The following NR3C2 variants were observed in gnomAD, a reference collection of about 807,000 sequenced individuals.
NR3C2 encodes the protein mineralocorticoid receptor.
NR3C2 carries 15 observed loss-of-function variants against 86.4 expected under a neutral mutation model. That is an observed-to-expected ratio of 0.17 (90% CI 0.12 to 0.27). NR3C2 has a LOEUF of 0.27. NR3C2 is among the 10% of genes least tolerant of loss of function. NR3C2 has a pLI of 1.00. For missense variants in NR3C2, 960 were observed against 1,195.6 expected (o/e 0.80, Z 2.91); for synonymous variants, 458 against 450.5 (o/e 1.02, Z -0.21).
intron 2 of NR3C2, among the ~76,000 whole-genome samples, chr4:148,381,594 G>T (rs572745547): frequency 6.6e-6 from 1 of 152,198 alleles, no homozygotes; most frequent in Admixed American, 6.5e-5. Flanking sequence ...TGCAATAAAA[G>T]TTCATGTGTA....
At chr4:148,255,078 C>A (rs1579071712) in intron 3 of NR3C2, among the ~76,000 whole-genome samples, 1 of 152,034 alleles carries the variant, frequency 6.6e-6, no homozygotes, top group Non-Finnish European at 1.5e-5. Flanking sequence ...CACTGCCCCC[C>A]CCCAACACAC....
At chr4:148,192,757 T>TG (rs1261842616) in intron 4 of NR3C2, among the ~76,000 whole-genome samples, 3 of 151,434 alleles carry the variant, frequency 2.0e-5, no homozygotes, top group Non-Finnish European at 4.4e-5. Flanking sequence ...TTCAAGGAAG[T>TG]GGGGGAAAGC....
At position 148,085,149 on chromosome 4, in the gene NR3C2, C is replaced by T. The variant is rs576043139; in HGVS notation, c.2800-3650G>A. 2.6e-4 allele frequency among the ~76,000 whole-genome samples: 39 copies of T among 152,268 alleles called. 1 individual carries two copies. The South Asian group carries it at 7.7e-3, about 30-fold the overall frequency. ...TGAACTCAGCTCTGGACCAAGCAGA[C>T]CTAATAGACATCTACAGAACTCTCC... is the stretch of plus-strand genomic sequence containing the variant. On this transcript the variant is annotated intron_variant, in intron 8 of 8. Coordinates refer to ENST00000358102, the MANE Select transcript of NR3C2 (RefSeq NM_000901.5).
chr4:148,135,445 C>A (rs1044701293), intron 6 of NR3C2, among the ~76,000 whole-genome samples: 1 of 152,170 alleles, frequency 6.6e-6, no homozygotes, highest in Non-Finnish European at 1.5e-5. Context: ...AAGGAGATGG[C>A]AGCCCTTACC....
At chr4:148,103,908 G>C (rs181978658) in intron 8 of NR3C2, among the ~76,000 whole-genome samples, 2 of 152,298 alleles carry the variant, frequency 1.3e-5, no homozygotes, top group Non-Finnish European at 2.9e-5. Flanking sequence ...TCTAGGCCAT[G>C]CTTTTCCTTC....
chr4:148,421,409 G>A (rs1411839964), intron 2 of NR3C2, among the ~76,000 whole-genome samples: 2 of 152,202 alleles, frequency 1.3e-5, no homozygotes, highest in African/African-American at 2.4e-5. Flanking sequence ...CATGTTTTCT[G>A]TCTTAATATA....
chr4:148,332,884 A>C (rs904232270), intron 2 of NR3C2, among the ~76,000 whole-genome samples: 1 of 152,184 alleles, frequency 6.6e-6, no homozygotes, highest in Non-Finnish European at 1.5e-5. Context: ...TTTCGACATA[A>C]GGCTATACAT....
intron 6 of NR3C2, among the ~76,000 whole-genome samples, chr4:148,134,494 C>T (rs1733183869): frequency 6.6e-6 from 1 of 152,064 alleles, no homozygotes; most frequent in Non-Finnish European, 1.5e-5. Flanking sequence ...ATTCTGTGAA[C>T]TTCCTCTAAT....
intron 4 of NR3C2, among the ~76,000 whole-genome samples, chr4:148,172,655 ATGTT>A (rs368617507): frequency 8.0e-4 from 122 of 152,318 alleles, no homozygotes; most frequent in African/African-American, 1.9e-3. Context: ...GTTTAATGGC[ATGTT>A]TGTTTATTCA....
intron 8 of NR3C2, 87 bp from the exon 9 acceptor site, chr4:148,081,586 A>ATGAC: frequency 6.3e-7 from 1 of 1,583,936 alleles, no homozygotes; most frequent in South Asian, 1.1e-5. Flanking sequence ...GGGAACTCAA[A>ATGAC]TGACAACATT....
chr4:148,155,303 G>C (rs559978037), intron 4 of NR3C2, among the ~76,000 whole-genome samples: 4 of 152,266 alleles, frequency 2.6e-5, no homozygotes, highest in African/African-American at 9.6e-5. Context: ...TATTCAATTA[G>C]GAAAAGACGA....
chr4:148,261,649 G>T (rs1457938791), intron 2 of NR3C2, among the ~76,000 whole-genome samples: 1 of 152,190 alleles, frequency 6.6e-6, no homozygotes, highest in Non-Finnish European at 1.5e-5. Flanking sequence ...AGCTGGATGG[G>T]CTCAGAAAAC....
intron 2 of NR3C2, among the ~76,000 whole-genome samples, chr4:148,276,368 C>A (rs1463438673): frequency 1.3e-5 from 2 of 152,110 alleles, no homozygotes; most frequent in Admixed American, 1.3e-4. Flanking sequence ...TGATGTGCAT[C>A]TTATCATTTG....
At chr4:148,095,713 G>A (rs1731247299) in intron 8 of NR3C2, among the ~76,000 whole-genome samples, 1 of 152,242 alleles carries the variant, frequency 6.6e-6, no homozygotes. Flanking sequence ...GCCTCCCAGG[G>A]CTGGTTCCAG....
At position 148,139,594 on chromosome 4, in the gene NR3C2, A is replaced by T. The variant is rs537467142; in HGVS notation, c.2510+12875T>A. On this transcript the variant is annotated intron_variant, in intron 6 of 8. Transcript: ENST00000358102. ...GACGTCTATTTCAAGGGAGAGGGGC[A>T]CAGATGATGTCTGTGATGATGATGT... Among the ~76,000 whole-genome samples, 4 of 152,314 alleles carry T rather than the reference A, an allele frequency of 2.6e-5. No individual in the cohort carries two copies. The South Asian group carries it at 8.3e-4, about 32-fold the overall frequency.
At chr4:148,324,200 T>C (rs561687672) in intron 2 of NR3C2, among the ~76,000 whole-genome samples, 1 of 152,376 alleles carries the variant, frequency 6.6e-6, no homozygotes, top group East Asian at 1.9e-4. Context: ...AGATTCCATA[T>C]ATAAATAAGG....
intron 3 of NR3C2, among the ~76,000 whole-genome samples, chr4:148,204,700 C>T (rs1350949023): frequency 6.6e-6 from 1 of 152,146 alleles, no homozygotes; most frequent in Non-Finnish European, 1.5e-5. Context: ...GAATGCAAGA[C>T]ATGTTTAGGC....
chr4:148,318,032 C>A (rs1340024094), intron 2 of NR3C2, among the ~76,000 whole-genome samples: 1 of 126,872 alleles, frequency 7.9e-6, no homozygotes, highest in African/African-American at 2.9e-5. Flanking sequence ...CCCCTCCCCC[C>A]ACCCCACAAC....
intron 2 of NR3C2, among the ~76,000 whole-genome samples, chr4:148,335,408 G>A (rs1356550103): frequency 6.6e-6 from 1 of 152,160 alleles, no homozygotes; most frequent in Non-Finnish European, 1.5e-5. Context: ...CTCGTAATGA[G>A]AAAATTTCTA....
Sources: allele counts gnomAD v4.1 joint callset (sites outside exome capture counted in the v4.1 genomes callset), GRCh38; gene constraint gnomAD v4.1.1; transcripts MANE v1.5; gene names NCBI Gene and HGNC (gene_info 2026-07-23, HGNC 2026-07-21).